The following DLGAP2 variants were observed in gnomAD, a reference collection of about 807,000 sequenced individuals.
DLGAP2 encodes the protein DLG associated protein 2.
DLGAP2 carries 26 observed loss-of-function variants against 100.3 expected under a neutral mutation model. The ratio of observed to expected loss-of-function variants is 0.26; its 90% CI spans 0.19 to 0.36. The LOEUF (loss-of-function observed/expected upper bound fraction) is 0.36, where lower values mean the gene tolerates loss of function less well. DLGAP2 is among the 10% of genes least tolerant of loss of function. DLGAP2 has a pLI of 1.00. For missense variants in DLGAP2, 1,858 were observed against 1,453.2 expected, an observed-to-expected ratio of 1.28 and a Z score of -4.53; for synonymous variants, 886 against 630.1, an observed-to-expected ratio of 1.41 and a Z score of -6.08.
chr8:798,962 A>G (rs1457732492), intron 1 of DLGAP2, among the ~76,000 whole-genome samples: 6 of 152,254 alleles, frequency 3.9e-5, no homozygotes, highest in Non-Finnish European at 8.8e-5. Flanking sequence ...TATTTTCCTT[A>G]GAATCTTGGA....
intron 3 of DLGAP2, among the ~76,000 whole-genome samples, chr8:1,331,185 G>A (rs1023567449): frequency 2.0e-5 from 3 of 152,320 alleles, no homozygotes; most frequent in East Asian, 1.9e-4. Context: ...ATTCTTAGTC[G>A]ACAGGTAGAA....
chr8:864,201 C>T (rs753534926), intron 1 of DLGAP2, among the ~76,000 whole-genome samples: 2 of 151,942 alleles, frequency 1.3e-5, no homozygotes, highest in Non-Finnish European at 2.9e-5. Context: ...GGTGGGAGGA[C>T]AGGGATGCAG....
At chr8:1,208,674 A>G (rs4486233) in intron 2 of DLGAP2, among the ~76,000 whole-genome samples, 108,765 of 151,802 alleles carry the variant, frequency 0.72, 40,106 homozygotes, top group African/African-American at 0.9. Flanking sequence ...AATTGGTAAA[A>G]AGGAAGTCAA....
intron 2 of DLGAP2, chr8:910,542 A>G (rs895465556): frequency 1.3e-5 from 2 of 152,172 alleles, no homozygotes; most frequent in African/African-American, 2.4e-5. Context: ...TACATATGTG[A>G]CTTTTAAGCC....
chr8:879,422 T>A (rs1797743321), intron 1 of DLGAP2, among the ~76,000 whole-genome samples: 1 of 152,192 alleles, frequency 6.6e-6, no homozygotes, highest in African/African-American at 2.4e-5. Context: ...TAAGTTCCCA[T>A]GCAGGTGTCA....
At chr8:814,760 G>A (rs1232959199) in intron 1 of DLGAP2, among the ~76,000 whole-genome samples, 2 of 150,918 alleles carry the variant, frequency 1.3e-5, no homozygotes, top group Non-Finnish European at 2.9e-5. Flanking sequence ...GGCTGAGGCG[G>A]GAGGATGGTG....
At chr8:1,351,961 A>AGC (rs201871535) in intron 3 of DLGAP2, among the ~76,000 whole-genome samples, 3 of 71,212 alleles carry the variant, frequency 4.2e-5, no homozygotes, top group East Asian at 7.3e-4. Context: ...GCGGGTCCTG[A>AGC]GTGTGTGTGG....
chr8:1,127,034 A>T (rs1163353280), intron 2 of DLGAP2, among the ~76,000 whole-genome samples: 1 of 148,908 alleles, frequency 6.7e-6, no homozygotes, highest in East Asian at 2.0e-4. Context: ...TCCCCAGCCC[A>T]GCTCTTAAAC....
intron 3 of DLGAP2, among the ~76,000 whole-genome samples, chr8:1,411,224 A>T (rs79731012): frequency 6.6e-6 from 1 of 152,002 alleles, no homozygotes; most frequent in Non-Finnish European, 1.5e-5. Context: ...CTGAAAATGA[A>T]TGTTTATATA....
intron 3 of DLGAP2, among the ~76,000 whole-genome samples, chr8:1,468,119 G>C (rs1004240797): frequency 1.2e-4 from 19 of 152,232 alleles, no homozygotes; most frequent in Non-Finnish European, 2.6e-4. Context: ...AGGGTCACAG[G>C]AGCAGGGAGG....
At chr8:1,515,716 A>C (rs1439541651) in intron 4 of DLGAP2, among the ~76,000 whole-genome samples, 4 of 152,188 alleles carry the variant, frequency 2.6e-5, no homozygotes, top group Non-Finnish European at 4.4e-5. Flanking sequence ...ACACAAACAC[A>C]TGCACAGATA....
At chr8:1,456,345 A>T (rs1388782313) in intron 3 of DLGAP2, among the ~76,000 whole-genome samples, 4 of 152,156 alleles carry the variant, frequency 2.6e-5, no homozygotes, top group African/African-American at 7.2e-5. Context: ...CGCCCTTTAA[A>T]TATGACCGAA....
intron 2 of DLGAP2, among the ~76,000 whole-genome samples, chr8:1,075,796 C>G (rs1803587126): frequency 6.6e-6 from 1 of 151,860 alleles, no homozygotes; most frequent in Non-Finnish European, 1.5e-5. Flanking sequence ...GCCGGGTGTC[C>G]CAACTCAGGC....
intron 1 of DLGAP2, among the ~76,000 whole-genome samples, chr8:825,006 C>A (rs917675768): frequency 1.3e-5 from 2 of 152,174 alleles, no homozygotes; most frequent in African/African-American, 4.8e-5. Flanking sequence ...CTTCTGGCTG[C>A]AGGACAAGCA....
chr8:951,602 T>C (rs1799481679), intron 2 of DLGAP2, among the ~76,000 whole-genome samples: 1 of 152,242 alleles, frequency 6.6e-6, no homozygotes, highest in Non-Finnish European at 1.5e-5. Context: ...TTGATAATTA[T>C]TGCGTTCATG....
At chr8:1,611,467 T>C (rs1260963637) in intron 6 of DLGAP2, among the ~76,000 whole-genome samples, 1 of 33,418 alleles carries the variant, frequency 3.0e-5, no homozygotes, top group African/African-American at 2.1e-4. Flanking sequence ...GCATTCCCTT[T>C]GAAAACTGGC....
intron 1 of DLGAP2, among the ~76,000 whole-genome samples, chr8:814,850 CAA>C (rs34412684): frequency 5.5e-4 from 34 of 61,886 alleles, no homozygotes; most frequent in Admixed American, 1.2e-3. Context: ...GACTCCGTCT[CAA>C]AAAAAAAAAA....
At chr8:1,174,618 C>A (rs1360422234) in intron 2 of DLGAP2, among the ~76,000 whole-genome samples, 2 of 151,806 alleles carry the variant, frequency 1.3e-5, no homozygotes, top group Non-Finnish European at 2.9e-5. Flanking sequence ...TCACCAAAAT[C>A]ATTATTACTG....
intron 1 of DLGAP2, among the ~76,000 whole-genome samples, chr8:861,151 G>C (rs1032901787): frequency 1.3e-5 from 2 of 149,750 alleles, no homozygotes; most frequent in Non-Finnish European, 3.0e-5. Flanking sequence ...GAATGATTGT[G>C]TGTGTTCTGA....
Sources: allele counts gnomAD v4.1 joint callset (sites outside exome capture counted in the v4.1 genomes callset), GRCh38; gene constraint gnomAD v4.1.1; transcripts MANE v1.5; gene names NCBI Gene and HGNC (gene_info 2026-07-23, HGNC 2026-07-21).